SPDL1: variants seen among roughly 807,000 people sequenced by gnomAD.
SPDL1 encodes the protein protein Spindly.
A neutral mutation model predicts 79.5 loss-of-function variants in SPDL1; 85 were observed. That is an observed-to-expected ratio of 1.07 (90% confidence interval 0.90 to 1.28). The LOEUF is 1.28. SPDL1 is among the 50% of genes most tolerant of loss of function. The probability of loss-of-function intolerance (pLI) is 0.00; values close to 1 mark genes in which losing one functional copy is unlikely to be tolerated. For missense variants in SPDL1, 703 were observed against 697.8 expected (o/e 1.01, Z -0.08); for synonymous variants, 269 against 240.3 (o/e 1.12, Z -1.10).
chr5:169,601,200 T>C, intron 10 of SPDL1, 80 bp from the exon 11 acceptor site: 2 of 1,264,240 alleles, frequency 1.6e-6, no homozygotes, highest in Non-Finnish European at 2.2e-6. Context: ...GGTATACATA[T>C]AACTAGTTCT....
chr5:169,601,820 C>CTGA lies in SPDL1; in HGVS notation c.1670+196_1670+197insGAT, dbSNP rs1489291216. On this transcript the variant is annotated intron_variant, in intron 11 of 11. Coordinates refer to ENST00000265295, the MANE Select transcript of SPDL1 (RefSeq NM_017785.5). Reference sequence around the variant, plus strand: ...AAACTGATTGCAAAGGGAAAGGACTCTTGAATAAGGCAATCACATTAAAAA... The same window carrying CTGA: ...AAACTGATTGCAAAGGGAAAGGACTCTGATTGAATAAGGCAATCACATTAAAAA... The CTGA allele has an allele frequency of 1.3e-4, 91 of 681,518 alleles. 1 individual carries two copies. The highest frequency in any genetic ancestry group is 4.8e-4 in the Middle Eastern group (2 of 4,202). The allele number at this position is 681,518 out of a possible 1,614,324, so 42.2% of individuals were successfully genotyped here.
chr5:169,594,319 G>A (rs17644580), intron 5 of SPDL1, 25 bp downstream of exon 5: 86,235 of 1,612,352 alleles, frequency 0.053, 2,518 homozygotes, highest in Non-Finnish European at 0.058. Flanking sequence ...GTAACATCAT[G>A]TTTTCCAATT....
chr5:169,598,206 G>T (rs1314003667), intron 8 of SPDL1, among the ~76,000 whole-genome samples: 1 of 152,202 alleles, frequency 6.6e-6, no homozygotes, highest in Non-Finnish European at 1.5e-5. Flanking sequence ...ATGTAGGTAA[G>T]GCTAGAAGCC....
At position 169,602,696 on chromosome 5, in the gene SPDL1, T is replaced by C. The variant is rs543667183; in HGVS notation, c.1670+1071T>C. Among the ~76,000 whole-genome samples the C allele has an allele frequency of 1.4e-4, 21 of 152,346 alleles. No homozygotes were observed. In the South Asian group the frequency reaches 3.7e-3, roughly 27 times the overall value. On this transcript the variant is annotated intron_variant, in intron 11 of 11. Coordinates refer to ENST00000265295, the MANE Select transcript of SPDL1 (RefSeq NM_017785.5). ...ACTTTAACAATGTTAGCTGCTATTA[T>C]TATAAGGCATAGTAATTTTATTACT...
At chr5:169,596,015 G>A (rs1755561793) in intron 7 of SPDL1, 1 of 152,120 alleles carries the variant, frequency 6.6e-6, no homozygotes, top group South Asian at 2.1e-4. Flanking sequence ...ATTTGGGGTG[G>A]GGGAGGTATA....
chr5:169,601,829 G>A, intron 11 of SPDL1: 2 of 659,736 alleles, frequency 3.0e-6, no homozygotes, highest in Non-Finnish European at 5.5e-6. Flanking sequence ...TCTTGAATAA[G>A]GCAATCACAT....
intron 8 of SPDL1, 87 bp from the exon 9 acceptor site, chr5:169,598,389 C>A: frequency 1.2e-6 from 1 of 825,542 alleles, no homozygotes; most frequent in Non-Finnish European, 2.0e-6. Flanking sequence ...GATATAAATT[C>A]AGGAAGTGAT....
In SPDL1 at chr5:169,601,379, G is replaced by A. The variant is rs145585971; in HGVS notation, c.1424G>A (p.Gly475Glu). The A allele has an allele frequency of 6.2e-5, 100 of 1,614,116 alleles. No homozygotes were observed. The African/African-American group carries it at 1.2e-3, about 19-fold the overall frequency. The change falls in exon 11 of 12, where the codon GGA (glycine) becomes GAA (glutamate). Residue 475 changes from glycine to glutamate, a missense_variant. Gly to Glu is a moderately conservative substitution (Grantham distance 98, BLOSUM62 -2). Transcript: ENST00000265295. ...TGTGTCAACAACAGTGCTCTCGGGGGAGAAGTTTATCGATTACCGCCTCAG... is the reference window on the plus strand; with the variant it reads ...TGTGTCAACAACAGTGCTCTCGGGGAAGAAGTTTATCGATTACCGCCTCAG... ...DACVNNSALG[G>E]EVYRLPPQKE...
At chr5:169,592,149 T>A (rs938713075) in intron 3 of SPDL1, among the ~76,000 whole-genome samples, 3 of 152,122 alleles carry the variant, frequency 2.0e-5, no homozygotes, top group Non-Finnish European at 4.4e-5. Context: ...ATTACTTAAT[T>A]TCTCATTGAC....
intron 3 of SPDL1, among the ~76,000 whole-genome samples, chr5:169,591,837 A>T (rs1755302889): frequency 6.6e-6 from 1 of 152,242 alleles, no homozygotes; most frequent in African/African-American, 2.4e-5. Flanking sequence ...GTGTTACTGA[A>T]TCACTACATA....
Position 169,601,423 on chromosome 5 carries a change from T to C in SPDL1, c.1468T>C (p.Cys490Arg). The C allele has an allele frequency of 6.2e-7, 1 of 1,614,172 alleles. No homozygotes were observed. Among genetic ancestry groups the C allele is most frequent in the South Asian group, 1.1e-5 (1 of 91,078 alleles). The change falls in exon 11 of 12, where the codon TGC becomes CGC. Residue 490 changes from cysteine to arginine, a missense_variant. Physicochemically the swap from Cys to Arg is radical, Grantham distance 180. Coordinates refer to ENST00000265295, the MANE Select transcript of SPDL1 (RefSeq NM_017785.5). ...GCCTCAGAAAGAGGAGACACAGTCC[T>C]GCCCTAACAGTTTAGAAGATAACAA... ...LPPQKEETQS[C>R]PNSLEDNNLQ...
chr5:169,598,945 G>A lies in SPDL1; in HGVS notation c.1137-27G>A, dbSNP rs184364458. ...CTTATTATATGCTGTCTTAATACTC[G>A]TTGGTTCTCCTTTTTTATTATCATA... On this transcript the variant is annotated intron_variant, in intron 9 of 11. Transcript: ENST00000265295. 2.7e-4 allele frequency: 411 copies of A among 1,511,194 alleles called. No homozygotes were observed. In the African/African-American group the frequency reaches 5.1e-3, roughly 19 times the overall value. The allele number at this position is 1,511,194 out of a possible 1,614,324, so 93.6% of individuals were successfully genotyped here.
chr5:169,595,630 T>A (rs534659242), intron 7 of SPDL1: 1 of 152,336 alleles, frequency 6.6e-6, no homozygotes, highest in South Asian at 2.1e-4. Context: ...CTGTGCTGCC[T>A]CATTTCCTGA....
At position 169,604,132 on chromosome 5, in the gene SPDL1, A is replaced by G. The variant is rs372151288; in HGVS notation, c.1743A>G (p.Glu581=). Residue 581 remains glutamate (E), a synonymous_variant, in exon 12 of 12, where the codon GAA becomes GAG. Transcript: ENST00000265295. ...AAACTTCAAGCAAATTGGAAAAAGAAACTTGTAAGAAATTACACCCTATTC... is the reference window on the plus strand; with the variant it reads ...AAACTTCAAGCAAATTGGAAAAAGAGACTTGTAAGAAATTACACCCTATTC... The part of the protein sequence containing the change: ...GKETSSKLEK[E]TCKKLHPILY... The G allele has an allele frequency of 7.7e-5, 124 of 1,613,420 alleles. No homozygotes were observed. Among genetic ancestry groups the G allele is most frequent in the Non-Finnish European group, 9.4e-5 (111 of 1,179,810 alleles).
chr5:169,592,310 C>T (rs555589577), intron 3 of SPDL1, among the ~76,000 whole-genome samples: 72 of 150,430 alleles, frequency 4.8e-4, no homozygotes, highest in Admixed American at 8.6e-4. Context: ...CTCTGCCTCC[C>T]GGGTTCAAAC....
intron 1 of SPDL1, chr5:169,586,533 A>G (rs1013097058): frequency 1.3e-5 from 2 of 152,224 alleles, no homozygotes; most frequent in Non-Finnish European, 2.9e-5. Context: ...CCAATTGCCT[A>G]CTTGACATAG....
At chr5:169,600,625 C>G (rs576531484) in intron 10 of SPDL1, among the ~76,000 whole-genome samples, 1 of 152,206 alleles carries the variant, frequency 6.6e-6, no homozygotes, top group Non-Finnish European at 1.5e-5. Context: ...TGTTTATGAC[C>G]TGTTTAGATA....
chr5:169,600,567 G>T (rs1051656522), intron 10 of SPDL1, among the ~76,000 whole-genome samples: 2 of 152,154 alleles, frequency 1.3e-5, no homozygotes. Context: ...GAAACACATC[G>T]ATAATGGGCA....
Position 169,599,189 on chromosome 5 carries a change from T to C in SPDL1, c.1324+30T>C, listed in dbSNP as rs73314547. 2.2e-3 allele frequency: 2,784 copies of C among 1,289,200 alleles called. 43 individuals are homozygous for C. In the African/African-American group the frequency reaches 0.028, roughly 13 times the overall value. 79.9% of individuals were successfully genotyped at this position (1,289,200 alleles called of 1,614,324 possible). On this transcript the variant is annotated intron_variant, in intron 10 of 11. Coordinates refer to ENST00000265295, the MANE Select transcript of SPDL1 (RefSeq NM_017785.5). ...ATATGTCTCATATATTTTTGTCTTT[T>C]AAATTATGAGTAACCTGAAATTATA...
Sources: allele counts gnomAD v4.1 joint callset (sites outside exome capture counted in the v4.1 genomes callset), GRCh38; gene constraint gnomAD v4.1.1; transcripts MANE v1.5; gene names NCBI Gene and HGNC (gene_info 2026-07-23, HGNC 2026-07-21).